Variants in ADAMTS17 observed in about 807,000 individuals in gnomAD.
ADAMTS17 encodes the protein A disintegrin and metalloproteinase with thrombospondin motifs 17.
A neutral mutation model predicts 141.5 loss-of-function variants in ADAMTS17; 113 were observed. The observed-to-expected ratio is 0.80, with a 90% CI of 0.69 to 0.93. ADAMTS17 has a LOEUF of 0.93. ADAMTS17 is among the 40% of genes least tolerant of loss of function. The probability of loss-of-function intolerance (pLI) is 0.00; values close to 1 mark genes in which losing one functional copy is unlikely to be tolerated. For synonymous variants in ADAMTS17, 768 were observed against 630.6 expected, an observed-to-expected ratio of 1.22 and a Z score of -3.27; for missense variants, 1,659 against 1,517.9, an observed-to-expected ratio of 1.09 and a Z score of -1.54.
intron 3 of ADAMTS17, among the ~76,000 whole-genome samples, chr15:100,302,919 G>A (rs1354200063): frequency 6.6e-6 from 1 of 151,920 alleles, no homozygotes. Flanking sequence ...AAGAGAAACT[G>A]GCCTGGCCTC....
At chr15:100,324,115 G>C (rs938228198) in intron 3 of ADAMTS17, among the ~76,000 whole-genome samples, 13 of 151,798 alleles carry the variant, frequency 8.6e-5, no homozygotes, top group African/African-American at 3.1e-4. Flanking sequence ...GACCACCCTG[G>C]CCAACATGGC....
intron 17 of ADAMTS17, among the ~76,000 whole-genome samples, chr15:100,049,774 T>C (rs2031998196): frequency 6.6e-6 from 1 of 152,202 alleles, no homozygotes; most frequent in African/African-American, 2.4e-5. Context: ...AGCATCACAG[T>C]GGCCATAGTG....
chr15:100,180,288 G>A (rs1348774700), intron 8 of ADAMTS17, among the ~76,000 whole-genome samples: 2 of 152,120 alleles, frequency 1.3e-5, no homozygotes, highest in African/African-American at 4.8e-5. Context: ...TTTCCCCAAC[G>A]TATGTTCTTG....
intron 7 of ADAMTS17, among the ~76,000 whole-genome samples, chr15:100,202,237 C>A (rs527590676): frequency 3.9e-5 from 6 of 152,336 alleles, no homozygotes; most frequent in Admixed American, 3.3e-4. Context: ...AGGTAACGTG[C>A]AATGCTAGTG....
At chr15:100,341,707 C>T (rs2046372135) in intron 1 of ADAMTS17, 114 bp downstream of exon 1, 8 of 1,344,668 alleles carry the variant, frequency 5.9e-6, no homozygotes, top group Non-Finnish European at 7.8e-6. Flanking sequence ...CTCCTCCGCT[C>T]GGGCGCCGTC....
At chr15:100,120,171 T>A (rs532375990) in intron 12 of ADAMTS17, among the ~76,000 whole-genome samples, 3 of 152,188 alleles carry the variant, frequency 2.0e-5, no homozygotes, top group African/African-American at 7.2e-5. Flanking sequence ...CAGTTCTCCA[T>A]CCAGACAATA....
chr15:100,215,459 G>A (rs940543134), intron 7 of ADAMTS17, among the ~76,000 whole-genome samples: 3 of 152,112 alleles, frequency 2.0e-5, no homozygotes, highest in South Asian at 2.1e-4. Context: ...CAGTATGACC[G>A]ATTCTCCTTC....
chr15:100,049,619 C>T (rs989522307), intron 17 of ADAMTS17, among the ~76,000 whole-genome samples: 16 of 152,326 alleles, frequency 1.1e-4, no homozygotes, highest in African/African-American at 3.8e-4. Flanking sequence ...GTTCCCAGAG[C>T]ACCCTAAACA....
chr15:100,305,670 C>T (rs996994920), intron 3 of ADAMTS17, among the ~76,000 whole-genome samples: 7 of 152,082 alleles, frequency 4.6e-5, no homozygotes, highest in East Asian at 1.9e-4. Flanking sequence ...CTGGATCTAC[C>T]GGATATGTTA....
intron 3 of ADAMTS17, among the ~76,000 whole-genome samples, chr15:100,325,540 C>T (rs1292661995): frequency 9.9e-5 from 15 of 152,150 alleles, no homozygotes; most frequent in Admixed American, 9.8e-4. Flanking sequence ...GGAGGTGGAG[C>T]CTAGTGGGAG....
chr15:100,250,602 C>A (rs2141945677), intron 7 of ADAMTS17, among the ~76,000 whole-genome samples: 1 of 152,302 alleles, frequency 6.6e-6, no homozygotes, highest in Middle Eastern at 3.4e-3. Flanking sequence ...ATCTCAGCCG[C>A]CGTGGACTTC....
At chr15:100,192,859 C>T (rs1775230056) in intron 8 of ADAMTS17, among the ~76,000 whole-genome samples, 1 of 152,120 alleles carries the variant, frequency 6.6e-6, no homozygotes, top group Admixed American at 6.5e-5. Flanking sequence ...ATGGCTCTCC[C>T]CCAACCTTCC....
At chr15:100,029,183 G>T (rs1035798351) in intron 18 of ADAMTS17, among the ~76,000 whole-genome samples, 2 of 152,200 alleles carry the variant, frequency 1.3e-5, no homozygotes, top group African/African-American at 4.8e-5. Flanking sequence ...TATGGAGTCA[G>T]AATGGAATCT....
At chr15:100,016,406 C>A (rs1039855246) in intron 18 of ADAMTS17, among the ~76,000 whole-genome samples, 1 of 152,048 alleles carries the variant, frequency 6.6e-6, no homozygotes, top group African/African-American at 2.4e-5. Flanking sequence ...TGCTGGTGAA[C>A]AAGTGTGAGT....
intron 7 of ADAMTS17, among the ~76,000 whole-genome samples, chr15:100,226,442 T>C (rs963533646): frequency 1.3e-5 from 2 of 152,360 alleles, no homozygotes; most frequent in Admixed American, 6.5e-5. Context: ...TGAGGGACCA[T>C]AATACAATCA....
Position 100,034,499 on chromosome 15 carries a change from G to C in ADAMTS17, c.2591+14358C>G, listed in dbSNP as rs371373557. ...CCTGCCACTACCAGGCTGGATGCCT[G>C]GCCTCACCTGAAGAGCACAGTGAGC... is the stretch of plus-strand genomic sequence containing the variant. On this transcript the variant is annotated intron_variant, in intron 18 of 21. Coordinates refer to ENST00000268070, the MANE Select transcript of ADAMTS17 (RefSeq NM_139057.4). 1.4e-4 allele frequency among the ~76,000 whole-genome samples: 22 copies of C among 152,344 alleles called. No individual in the cohort carries two copies. In the East Asian group the frequency reaches 3.7e-3, roughly 25 times the overall value.
intron 6 of ADAMTS17, among the ~76,000 whole-genome samples, chr15:100,259,261 C>T (rs921101051): frequency 1.3e-5 from 2 of 152,210 alleles, no homozygotes; most frequent in Non-Finnish European, 2.9e-5. Flanking sequence ...TACTTATGAT[C>T]ATGCACAGAC....
At chr15:100,019,208 C>T (rs938435549) in intron 18 of ADAMTS17, among the ~76,000 whole-genome samples, 1 of 152,104 alleles carries the variant, frequency 6.6e-6, no homozygotes, top group African/African-American at 2.4e-5. Flanking sequence ...ACACAACAAA[C>T]AATACTCTCT....
chr15:100,198,148 T>G (rs1450090381), intron 8 of ADAMTS17, among the ~76,000 whole-genome samples: 2 of 152,278 alleles, frequency 1.3e-5, no homozygotes, highest in African/African-American at 4.8e-5. Flanking sequence ...ATTCTGCACA[T>G]GTATCCCAGA....
Sources: allele counts gnomAD v4.1 joint callset (sites outside exome capture counted in the v4.1 genomes callset), GRCh38; gene constraint gnomAD v4.1.1; transcripts MANE v1.5; gene names NCBI Gene and HGNC (gene_info 2026-07-23, HGNC 2026-07-21).